CBR4: variants seen among roughly 807,000 people sequenced by gnomAD.
CBR4 encodes the protein 3-oxoacyl-[acyl-carrier-protein] reductase.
In CBR4, 22 loss-of-function variants were observed where a neutral mutation model predicts 21.0. The ratio of observed to expected loss-of-function variants is 1.05; its 90% CI spans 0.75 to 1.50. The LOEUF (loss-of-function observed/expected upper bound fraction) is 1.50, where lower values mean the gene tolerates loss of function less well. Among genes scored for constraint, CBR4 ranks in the 40% most tolerant of loss-of-function variants. The pLI, the probability that CBR4 is intolerant of heterozygous loss-of-function variation, is 0.00. For synonymous variants in CBR4, 100 were observed against 104.4 expected (o/e 0.96, Z 0.26); for missense variants, 302 against 286.3 (o/e 1.05, Z -0.40).
intron 2 of CBR4, among the ~76,000 whole-genome samples, chr4:168,942,234 G>C (rs962346341): frequency 3.3e-5 from 5 of 151,886 alleles, no homozygotes; most frequent in Non-Finnish European, 7.4e-5. Context: ...GGCCTGTTGG[G>C]GGGTGGGGAG....
chr4:168,905,233 C>A (rs1447507597), intron 2 of CBR4, among the ~76,000 whole-genome samples: 1 of 135,242 alleles, frequency 7.4e-6, no homozygotes, highest in African/African-American at 2.7e-5. Flanking sequence ...TCACTGCAAG[C>A]TCCGCCTCCT....
At chr4:168,905,790 C>CTTTTTTTTTTTTTTTTTTTTTTT (rs59427697) in intron 2 of CBR4, among the ~76,000 whole-genome samples, 2 of 113,098 alleles carry the variant, frequency 1.8e-5, no homozygotes, top group African/African-American at 3.2e-5. Flanking sequence ...GCTTTTTTTT[C>CTTTTTTTTTTTTTTTTTTTTTTT]TTTTTTTTTT....
intron 2 of CBR4, 43 bp downstream of exon 2, chr4:169,007,593 T>C (rs1289602622): frequency 7.8e-7 from 1 of 1,286,278 alleles, no homozygotes; most frequent in Non-Finnish European, 1.0e-6. Flanking sequence ...GAATAAAAGT[T>C]TTAAATATAT....
At chr4:168,938,905 TA>T (rs1435059693) in intron 2 of CBR4, among the ~76,000 whole-genome samples, 1 of 152,086 alleles carries the variant, frequency 6.6e-6, no homozygotes, top group Non-Finnish European at 1.5e-5. Flanking sequence ...GAAACTATTC[TA>T]AACAATAGTA....
chr4:168,990,445 A>ATT, intron 4 of CBR4, 117 bp from the exon 5 acceptor site: 1 of 848,772 alleles, frequency 1.2e-6, no homozygotes. Flanking sequence ...TTAAAAAAAA[A>ATT]TTTTTTTTTG....
intron 3 of CBR4, among the ~76,000 whole-genome samples, chr4:169,003,060 G>A (rs1414627088): frequency 6.6e-6 from 1 of 152,158 alleles, no homozygotes; most frequent in Admixed American, 6.5e-5. Flanking sequence ...TTTCGTGCCT[G>A]TTAACACAAT....
chr4:168,951,812 G>T (rs1399898273), intron 2 of CBR4, among the ~76,000 whole-genome samples: 1 of 152,202 alleles, frequency 6.6e-6, no homozygotes, highest in Non-Finnish European at 1.5e-5. Flanking sequence ...TTCCTTTAAA[G>T]GTTACCTAGT....
chr4:168,934,282 C>CAAAAAAAAAAAAA (rs60538970), intron 2 of CBR4, among the ~76,000 whole-genome samples: 17 of 18,196 alleles, frequency 9.3e-4, no homozygotes, highest in East Asian at 2.3e-3. Flanking sequence ...GCAAAAAAAA[C>CAAAAAAAAAAAAA]AAAAAAAAAA....
At chr4:168,979,103 C>T (rs1764461688) in intron 2 of CBR4, among the ~76,000 whole-genome samples, 1 of 151,808 alleles carries the variant, frequency 6.6e-6, no homozygotes, top group African/African-American at 2.4e-5. Flanking sequence ...CACGCAGGTC[C>T]CTCCTCCTGT....
At chr4:168,918,465 A>G (rs1208813020) in intron 2 of CBR4, among the ~76,000 whole-genome samples, 1 of 152,170 alleles carries the variant, frequency 6.6e-6, no homozygotes, top group Non-Finnish European at 1.5e-5. Context: ...GATCTTACTT[A>G]TATGTGCAAT....
In CBR4 at chr4:168,988,236, A is replaced by T. The variant is rs1010025700; in HGVS notation, c.*1914T>A. On this transcript the variant is annotated 3_prime_UTR_variant, in exon 5 of 5. Coordinates refer to ENST00000306193, the MANE Select transcript of CBR4 (RefSeq NM_032783.5). The stretch of plus-strand genomic sequence containing the variant: ...GAAGGTTTATTTTACCTCTTTCAAG[A>T]TCTCTCCATATATTCCACCAGTTTG... The T allele has an allele frequency of 2.0e-6, 2 of 985,434 alleles. No individual in the cohort carries two copies. Among genetic ancestry groups the T allele is most frequent in the Non-Finnish European group, 2.4e-6 (2 of 829,934 alleles). The allele number at this position is 985,434 out of a possible 1,614,324, so 61.0% of individuals were successfully genotyped here. A position where few individuals can be genotyped will look rare whatever the true frequency, so the allele number is the denominator to read the frequency against.
chr4:168,907,222 T>C (rs756068664), intron 2 of CBR4, among the ~76,000 whole-genome samples: 10 of 152,222 alleles, frequency 6.6e-5, no homozygotes, highest in Admixed American at 6.5e-5. Context: ...GTTACTGTCA[T>C]TATTTTAATT....
At chr4:168,946,906 G>A (rs78119439) in intron 2 of CBR4, among the ~76,000 whole-genome samples, 2 of 151,962 alleles carry the variant, frequency 1.3e-5, no homozygotes, top group African/African-American at 4.8e-5. Context: ...ACTACTACCC[G>A]CAATCCCAAC....
chr4:168,980,562 C>G (rs1022966678), intron 2 of CBR4, among the ~76,000 whole-genome samples: 1 of 151,880 alleles, frequency 6.6e-6, no homozygotes, highest in African/African-American at 2.4e-5. Flanking sequence ...ATGGTGAAAC[C>G]CTGTCTCTAC....
intron 2 of CBR4, among the ~76,000 whole-genome samples, chr4:168,949,014 A>G (rs1763468834): frequency 6.6e-6 from 1 of 152,106 alleles, no homozygotes; most frequent in African/African-American, 2.4e-5. Flanking sequence ...ATGTATTTCC[A>G]TTTGTTCGTG....
intron 2 of CBR4, among the ~76,000 whole-genome samples, chr4:168,980,067 T>A (rs994634979): frequency 3.3e-5 from 5 of 151,814 alleles, no homozygotes; most frequent in African/African-American, 1.2e-4. Context: ...ATCCCTGGGG[T>A]GCAACCAAAA....
Position 168,903,882 on chromosome 4 carries a change from T to C in CBR4, n.170-9117A>G, listed in dbSNP as rs997146277. 32 of 1,614,090 alleles carry C rather than the reference T, an allele frequency of 2.0e-5. No individual in the cohort carries two copies. The highest frequency in any genetic ancestry group is 2.7e-5 in the Non-Finnish European group (32 of 1,179,938). On this transcript the variant is annotated intron_variant and non_coding_transcript_variant, in intron 2 of 3. Transcript: ENST00000509108. The stretch of plus-strand genomic sequence containing the variant: ...CCACCCTAGATGATGATGGGAATTA[T>C]ACAATTATGGCTGCAAACCCTCAGG...
Position 169,010,015 on chromosome 4 carries a change from T to C in CBR4, c.75A>G (p.Lys25=). The C allele has an allele frequency of 1.9e-6, 3 of 1,613,808 alleles. No individual in the cohort carries two copies. Among genetic ancestry groups the C allele is most frequent in the Non-Finnish European group, 2.5e-6 (3 of 1,179,938 alleles). Residue 25 remains lysine, a synonymous_variant, in exon 1 of 5, where the codon AAA becomes AAG. Transcript: ENST00000306193. ...TGGCAATGACCGCCAGTCGGTAGCC[T>C]TTCCGGGCCATTAACTGGGCCACAG... ...GRAVAQLMAR[K]GYRLAVIARN... is the part of the protein sequence containing the mutation.
At chr4:169,003,951 G>A (rs546235500) in intron 3 of CBR4, among the ~76,000 whole-genome samples, 144 of 152,210 alleles carry the variant, frequency 9.5e-4, no homozygotes, top group African/African-American at 3.3e-3. Flanking sequence ...GTTGTGGGGT[G>A]GGGGAAGCGG....
Sources: allele counts gnomAD v4.1 joint callset (sites outside exome capture counted in the v4.1 genomes callset), GRCh38; gene constraint gnomAD v4.1.1; transcripts MANE v1.5; gene names NCBI Gene and HGNC (gene_info 2026-07-23, HGNC 2026-07-21).